Variants in LARP4B observed in about 807,000 individuals in gnomAD.
LARP4B encodes La ribonucleoprotein 4B.
A neutral mutation model predicts 89.8 loss-of-function variants in LARP4B; 12 were observed. The ratio of observed to expected loss-of-function variants is 0.13; its 90% CI spans 0.09 to 0.22. The LOEUF is 0.22. Ranked by LOEUF, LARP4B falls within the 10% of genes least tolerant of loss-of-function variation. The pLI is 1.00. For synonymous variants in LARP4B, 367 were observed against 363.3 expected, an observed-to-expected ratio of 1.01 and a Z score of -0.12; for missense variants, 757 against 947.7, an observed-to-expected ratio of 0.80 and a Z score of 2.64.
Position 912,537 on chromosome 10 carries a change from G to GATA in LARP4B, c.-40+18890_-40+18891insTAT, listed in dbSNP as rs1365601293. On this transcript the variant is annotated intron_variant, in intron 1 of 17. Transcript: ENST00000316157. ...CAGTAATCTAACCAAGAAACATCTAGGTTGGAAGACCACCTATCTAACCAG... is the reference window on the plus strand; with the variant it reads ...CAGTAATCTAACCAAGAAACATCTAGATAGTTGGAAGACCACCTATCTAACCAG... Among the ~76,000 whole-genome samples, 3 of 152,024 alleles carry GATA rather than the reference G, an allele frequency of 2.0e-5. No homozygotes were observed. In the South Asian group the frequency reaches 6.2e-4, roughly 32 times the overall value.
At chr10:887,064 G>C (rs899597906) in intron 1 of LARP4B, among the ~76,000 whole-genome samples, 3 of 151,768 alleles carry the variant, frequency 2.0e-5, no homozygotes, top group Non-Finnish European at 1.5e-5. Flanking sequence ...TCCAGACTGG[G>C]CAACAAGAGT....
At chr10:974,859 G>C in the LARP4B span, among the ~76,000 whole-genome samples, 18 of 152,236 alleles carry the variant, frequency 1.2e-4, no homozygotes, top group African/African-American at 3.9e-4. Flanking sequence ...TGTCACTGTT[G>C]CACAGACGCT....
rs1191321873 is a variant in LARP4B at position 901,473 on chromosome 10, C to A, written c.-39-15713G>T. Among the ~76,000 whole-genome samples, 3 of 152,298 alleles carry A rather than the reference C, an allele frequency of 2.0e-5. No individual in the cohort carries two copies. The East Asian group carries it at 5.8e-4, about 29-fold the overall frequency. On this transcript the variant is annotated intron_variant, in intron 1 of 17. Coordinates refer to ENST00000316157, the MANE Select transcript of LARP4B (RefSeq NM_015155.3). ...TTATGTTCCTTCCATGTACCTTATACACATCATATACTCAAGTGAATCTGT... is the reference window on the plus strand; with the variant it reads ...TTATGTTCCTTCCATGTACCTTATAAACATCATATACTCAAGTGAATCTGT...
Position 829,431 on chromosome 10 carries a change from G to T in LARP4B, c.1079C>A (p.Thr360Asn), listed in dbSNP as rs764203664. The change falls in exon 11 of 18, where the codon ACT (threonine) becomes AAT (asparagine). Residue 360 changes from threonine to asparagine, a missense_variant. By Grantham distance (65) the Thr-to-Asn change is moderately conservative (BLOSUM62 0). This residue lies in a region of LARP4B where 137 missense variants were observed against 213.9 expected (regional missense o/e 0.64). Transcript: ENST00000316157. Reference protein sequence around the residue: ...QQQFPLYSLITPQTWSATHSY... With the variant: ...QQQFPLYSLINPQTWSATHSY... Reference sequence around the variant, plus strand: ...GTGCGTTGCTGACCACGTCTGGGGAGTGATCAGGCTGTACAGGGGGAACTG... The same window carrying T: ...GTGCGTTGCTGACCACGTCTGGGGATTGATCAGGCTGTACAGGGGGAACTG... 3 of 1,613,784 alleles carry T rather than the reference G, an allele frequency of 1.9e-6. No homozygotes were observed. Among genetic ancestry groups the T allele is most frequent in the Non-Finnish European group, 2.5e-6 (3 of 1,179,856 alleles).
chr10:909,621 C>T (rs1056012667), intron 1 of LARP4B, among the ~76,000 whole-genome samples: 22 of 151,444 alleles, frequency 1.5e-4, no homozygotes, highest in African/African-American at 4.9e-4. Flanking sequence ...CTCGTCTCTA[C>T]TAAAAGTACA....
chr10:985,864 G>C, the LARP4B span: 1 of 152,212 alleles, frequency 6.6e-6, no homozygotes, highest in Non-Finnish European at 1.5e-5. Context: ...CCTGAGGTGA[G>C]GGATGGCAAA....
At chr10:838,641 G>A (rs1164043504) in intron 7 of LARP4B, among the ~76,000 whole-genome samples, 1 of 152,144 alleles carries the variant, frequency 6.6e-6, no homozygotes, top group Non-Finnish European at 1.5e-5. Context: ...GGAGCAAGAG[G>A]AACTCCCATT....
At chr10:916,563 C>CGCAT (rs942428232) in intron 1 of LARP4B, among the ~76,000 whole-genome samples, 3 of 152,104 alleles carry the variant, frequency 2.0e-5, no homozygotes, top group African/African-American at 7.2e-5. Flanking sequence ...GGCGTGGTGG[C>CGCAT]GCATGCCTGT....
chr10:898,241 G>C (rs1219261368), intron 1 of LARP4B, among the ~76,000 whole-genome samples: 1 of 152,186 alleles, frequency 6.6e-6, no homozygotes, highest in Admixed American at 6.5e-5. Flanking sequence ...GTAATATCAA[G>C]TGTGGCTAGT....
intron 1 of LARP4B, among the ~76,000 whole-genome samples, chr10:912,287 A>G (rs1002429490): frequency 2.0e-5 from 3 of 152,102 alleles, no homozygotes; most frequent in African/African-American, 7.2e-5. Context: ...GATGCTTAAA[A>G]AAGAGAGAGA....
chr10:831,578 G>A (rs1414515857), intron 8 of LARP4B, among the ~76,000 whole-genome samples: 4 of 152,154 alleles, frequency 2.6e-5, no homozygotes, highest in Admixed American at 2.6e-4. Flanking sequence ...GGATGAGAGG[G>A]AACAAGCCCA....
chr10:826,407 A>G (rs12771179), intron 11 of LARP4B, among the ~76,000 whole-genome samples: 16,850 of 152,234 alleles, frequency 0.11, 1,182 homozygotes, highest in Non-Finnish European at 0.16. Context: ...TCCCCAAGTC[A>G]CAAGGTAAGT....
the LARP4B span, among the ~76,000 whole-genome samples, chr10:977,727 G>T: frequency 3.9e-5 from 6 of 152,146 alleles, no homozygotes; most frequent in African/African-American, 1.4e-4. Context: ...ATCACCTAGA[G>T]ATGACAAAGT....
intron 1 of LARP4B, among the ~76,000 whole-genome samples, chr10:909,234 C>G (rs977746704): frequency 7.1e-6 from 1 of 140,486 alleles, no homozygotes; most frequent in Admixed American, 7.7e-5. Context: ...GTGGAGCTTG[C>G]GGTGAGCCGA....
intron 1 of LARP4B, among the ~76,000 whole-genome samples, chr10:906,953 T>C (rs1212788843): frequency 1.3e-5 from 2 of 152,190 alleles, no homozygotes; most frequent in Non-Finnish European, 2.9e-5. Flanking sequence ...TCTTCCAGAC[T>C]GCCCTCCCTA....
Position 814,997 on chromosome 10 carries a change from C to T in LARP4B, c.1769G>A (p.Cys590Tyr), listed in dbSNP as rs1192267248. The change falls in exon 16 of 18, where the codon TGT becomes TAT. Residue 590 changes from cysteine (C) to tyrosine (Y), a missense_variant. By Grantham distance (194) the Cys-to-Tyr change is radical. Transcript: ENST00000316157. This position sits in a 1 kb window ranked among gnomAD's most constrained non-coding sequence, Gnocchi z 4.4. ...VSREPSVPAS[C>Y]AVSATYERSP... ...TCGCTCGTACGTTGCTGATACAGCA[C>T]AAGAAGCCGGCACCGAGGGCTCTCT... The T allele has an allele frequency of 1.2e-6, 2 of 1,609,562 alleles. No individual in the cohort carries two copies. Among genetic ancestry groups the T allele is most frequent in the African/African-American group, 1.3e-5 (1 of 74,916 alleles).
In LARP4B at chr10:843,567, C is replaced by T. The variant is rs1357476971; in HGVS notation, c.510-499G>A. Among the ~76,000 whole-genome samples, 3 of 151,968 alleles carry T rather than the reference C, an allele frequency of 2.0e-5. No individual in the cohort carries two copies. The East Asian group carries it at 5.8e-4, about 29-fold the overall frequency. On this transcript the variant is annotated intron_variant, in intron 6 of 17. Transcript: ENST00000316157. ...TACAAAAATTAGCCAGGCATGGTGGCGGGCACCTGTAATCCCAGCTACTCG... is the reference window on the plus strand; with the variant it reads ...TACAAAAATTAGCCAGGCATGGTGGTGGGCACCTGTAATCCCAGCTACTCG...
the LARP4B span, among the ~76,000 whole-genome samples, chr10:965,434 TCCC>T: frequency 1.3e-5 from 2 of 150,556 alleles, no homozygotes; most frequent in Non-Finnish European, 3.0e-5. Flanking sequence ...CGGTGCCCGC[TCCC>T]CCCCGTTTCT....
the LARP4B span, among the ~76,000 whole-genome samples, chr10:948,393 CCCA>C: frequency 2.6e-5 from 4 of 152,242 alleles, no homozygotes; most frequent in East Asian, 3.9e-4. Flanking sequence ...ATTACAGGTG[CCCA>C]CCACCACAAC....
Sources: gnomAD v4.1 joint callset for allele counts (sites outside exome capture counted in the v4.1 genomes callset) on GRCh38, gnomAD v4.1.1 for gene constraint, gnomAD v4.1.1 regional missense constraint, Gnocchi (gnomAD v3.1) non-coding constraint, MANE v1.5 for transcripts, NCBI Gene and HGNC (gene_info 2026-07-23, HGNC 2026-07-21) for gene names.